Variants in STK38 observed in about 807,000 individuals in gnomAD.
STK38 encodes serine/threonine-protein kinase 38.
STK38 carries 26 observed loss-of-function variants against 59.0 expected under a neutral mutation model. That is an observed-to-expected ratio of 0.44 (90% CI 0.32 to 0.61). The LOEUF is 0.61. Ranked by LOEUF, STK38 falls within the 20% of genes least tolerant of loss-of-function variation. The probability of loss-of-function intolerance (pLI) is 0.04; values close to 1 mark genes in which losing one functional copy is unlikely to be tolerated. For synonymous variants in STK38, 175 were observed against 176.6 expected (o/e 0.99, Z 0.07); for missense variants, 433 against 566.0 (o/e 0.76, Z 2.38).
At chr6:36,524,962 T>C (rs1005114735) in intron 3 of STK38, among the ~76,000 whole-genome samples, 1 of 152,192 alleles carries the variant, frequency 6.6e-6, no homozygotes, top group Non-Finnish European at 1.5e-5. Context: ...CAGTCCCTTG[T>C]TAACTATATT....
At chr6:36,519,268 A>G (rs1777326456) in intron 5 of STK38, among the ~76,000 whole-genome samples, 1 of 152,200 alleles carries the variant, frequency 6.6e-6, no homozygotes, top group African/African-American at 2.4e-5. Context: ...ATGAAACACA[A>G]TGAAACCAAG....
chr6:36,533,030 C>T (rs928781384), intron 2 of STK38, among the ~76,000 whole-genome samples: 2 of 150,308 alleles, frequency 1.3e-5, no homozygotes, highest in Non-Finnish European at 3.0e-5. Context: ...GGCGCCACTG[C>T]CCTCCAGCCT....
intron 2 of STK38, among the ~76,000 whole-genome samples, chr6:36,528,925 T>A (rs771702259): frequency 6.6e-6 from 1 of 152,146 alleles, no homozygotes; most frequent in African/African-American, 2.4e-5. Flanking sequence ...TTTACTGAAG[T>A]GTAATTAAAT....
chr6:36,514,420 A>C (rs1212864971), intron 7 of STK38, among the ~76,000 whole-genome samples: 1 of 152,168 alleles, frequency 6.6e-6, no homozygotes, highest in African/African-American at 2.4e-5. Context: ...TTTTCACCTT[A>C]CAAGAAAAAT....
chr6:36,546,778 C>T (rs1778062616), intron 1 of STK38, among the ~76,000 whole-genome samples: 1 of 152,152 alleles, frequency 6.6e-6, no homozygotes, highest in Non-Finnish European at 1.5e-5. Context: ...GGGCTTTCGA[C>T]ATCTCTGCCT....
chr6:36,545,508 TAA>T (rs989067307), intron 1 of STK38, among the ~76,000 whole-genome samples: 1 of 152,118 alleles, frequency 6.6e-6, no homozygotes, highest in Non-Finnish European at 1.5e-5. Context: ...AATATAATGA[TAA>T]AGACTGCACT....
At chr6:36,509,340 G>A (rs981705655) in intron 7 of STK38, among the ~76,000 whole-genome samples, 2 of 152,146 alleles carry the variant, frequency 1.3e-5, no homozygotes, top group East Asian at 3.9e-4. Flanking sequence ...CCTCCCAGAC[G>A]CAGGCAGGTC....
intron 1 of STK38, among the ~76,000 whole-genome samples, chr6:36,543,007 T>C (rs1383099156): frequency 1.3e-5 from 2 of 152,196 alleles, no homozygotes; most frequent in Admixed American, 1.3e-4. Context: ...TAACCTGTAT[T>C]ATCACACTTG....
chr6:36,525,585 A>G lies in STK38; in HGVS notation c.183+6T>C. 3 of 1,521,620 alleles carry G rather than the reference A, an allele frequency of 2.0e-6. No individual in the cohort carries two copies. The highest frequency in any genetic ancestry group is 2.7e-6 in the Non-Finnish European group (3 of 1,095,948). 94.3% of individuals were successfully genotyped at this position (1,521,620 alleles called of 1,614,324 possible). A position where few individuals can be genotyped will look rare whatever the true frequency, so the allele number is the denominator to read the frequency against. The stretch of plus-strand genomic sequence containing the variant: ...TTTTAAGGAAAACATTGCCAATATT[A>G]ATTACCTCCTCATCTTTTAGGCCTT... On this transcript the variant is annotated splice_donor_region_variant and intron_variant, in intron 3 of 13. Transcript: ENST00000229812.
At chr6:36,518,229 C>T (rs963965708) in intron 5 of STK38, among the ~76,000 whole-genome samples, 1 of 152,138 alleles carries the variant, frequency 6.6e-6, no homozygotes, top group African/African-American at 2.4e-5. Flanking sequence ...AGTTCTTCCT[C>T]GGGTCTGCAC....
intron 9 of STK38, among the ~76,000 whole-genome samples, chr6:36,504,898 C>CAAAAAAAAAAAAAAAAAAAAA (rs562032331): frequency 3.1e-5 from 2 of 64,070 alleles, no homozygotes; most frequent in African/African-American, 5.9e-5. Context: ...TCCTGGCCTC[C>CAAAAAAAAAAAAAAAAAAAAA]AAAAAAAAAA....
intron 9 of STK38, among the ~76,000 whole-genome samples, chr6:36,504,804 G>A (rs778779765): frequency 1.4e-5 from 2 of 147,416 alleles, no homozygotes; most frequent in African/African-American, 5.0e-5. Context: ...AGAGCACAAA[G>A]CTTGTCTTGG....
At position 36,522,876 on chromosome 6, in the gene STK38, A is replaced by AAAAAAAG. The variant is rs774099487; in HGVS notation, c.307-1060_307-1059insCTTTTTT. On this transcript the variant is annotated intron_variant, in intron 4 of 13. Coordinates refer to ENST00000229812, the MANE Select transcript of STK38 (RefSeq NM_007271.4). ...GTCTCAAAAAAAAAAAAAAAAAAAAAAAGAAGAAGAAGAAAATTCAAAATG... is the reference window on the plus strand; with the variant it reads ...GTCTCAAAAAAAAAAAAAAAAAAAAAAAAAAAGAAGAAGAAGAAGAAAATTCAAAATG... 2.9e-3 allele frequency among the ~76,000 whole-genome samples: 288 copies of AAAAAAAG among 98,844 alleles called. 1 individual carries two copies. Among genetic ancestry groups the AAAAAAAG allele is most frequent in the East Asian group, 4.6e-3 (14 of 3,012 alleles). The allele number at this position is 98,844 out of a possible 152,430, so 64.8% of individuals were successfully genotyped here. A position where few individuals can be genotyped will look rare whatever the true frequency, so the allele number is the denominator to read the frequency against.
intron 1 of STK38, among the ~76,000 whole-genome samples, chr6:36,545,286 C>A (rs146598788): frequency 1.1e-5 from 1 of 90,190 alleles, no homozygotes; most frequent in Admixed American, 1.6e-4. Context: ...GAGACTCCGT[C>A]TGGAAAAAAA....
intron 2 of STK38, among the ~76,000 whole-genome samples, chr6:36,535,805 G>C (rs1278547481): frequency 1.3e-5 from 2 of 151,084 alleles, no homozygotes; most frequent in Middle Eastern, 6.8e-3. Context: ...GAACCCAGGA[G>C]GCAGAGGTTG....
At chr6:36,523,549 C>T (rs977969471) in intron 4 of STK38, among the ~76,000 whole-genome samples, 7 of 144,534 alleles carry the variant, frequency 4.8e-5, no homozygotes, top group Non-Finnish European at 9.1e-5. Flanking sequence ...AGTGAGCCAC[C>T]GTGCCTGGCC....
At chr6:36,527,297 T>C (rs1362349994) in intron 2 of STK38, among the ~76,000 whole-genome samples, 2 of 142,380 alleles carry the variant, frequency 1.4e-5, no homozygotes, top group East Asian at 2.1e-4. Flanking sequence ...CATATACACA[T>C]ATGTATATAC....
chr6:36,524,719 T>G (rs535751871), intron 3 of STK38, among the ~76,000 whole-genome samples: 1 of 152,314 alleles, frequency 6.6e-6, no homozygotes, highest in South Asian at 2.1e-4. Context: ...ACTTCAGCAA[T>G]CCACTATCCT....
At chr6:36,515,518 CCACACA>C (rs66494457) in intron 6 of STK38, 26 bp from the exon 7 acceptor site, 49,680 of 1,529,042 alleles carry the variant, frequency 0.032, 85 homozygotes, top group East Asian at 0.068. Context: ...TACAAAGCCA[CCACACA>C]CACACACACA....
Sources: allele counts gnomAD v4.1 joint callset (sites outside exome capture counted in the v4.1 genomes callset), GRCh38; gene constraint gnomAD v4.1.1; transcripts MANE v1.5; gene names NCBI Gene and HGNC (gene_info 2026-07-23, HGNC 2026-07-21).